The following FCGR1A variants were observed in gnomAD, a reference collection of about 807,000 sequenced individuals.
The protein encoded by FCGR1A is Fc gamma receptor Ia.
FCGR1A carries 13 observed loss-of-function variants against 35.0 expected under a neutral mutation model. The observed-to-expected ratio is 0.37, with a 90% confidence interval of 0.24 to 0.59. The LOEUF is 0.59. Ranked by LOEUF, FCGR1A falls within the 20% of genes least tolerant of loss-of-function variation. FCGR1A has a pLI of 0.71. For synonymous variants in FCGR1A, 91 were observed against 164.7 expected, an observed-to-expected ratio of 0.55 and a Z score of 3.43; for missense variants, 227 against 430.0, an observed-to-expected ratio of 0.53 and a Z score of 4.17.
At chr1:149,791,108 T>C in intron 5 of FCGR1A, 129 bp from the exon 6 acceptor site, 1 of 1,211,990 alleles carries the variant, frequency 8.3e-7, no homozygotes, top group Non-Finnish European at 1.1e-6. Flanking sequence ...TCCTGCTCCC[T>C]GAAATGACCA....
At chr1:149,792,803 G>C (rs1405849843), downstream of FCGR1A, 66 of 1,279,588 alleles carry the variant, frequency 5.2e-5, 1 homozygote, top group Non-Finnish European at 6.1e-5. Context: ...TGAGCTGTAG[G>C]AGTCGGTGGG....
At chr1:149,800,435 A>G in the FCGR1A span, among the ~76,000 whole-genome samples, 103 of 145,958 alleles carry the variant, frequency 7.1e-4, 3 homozygotes, top group South Asian at 0.015. Flanking sequence ...CAACTCTCTA[A>G]TCCTCCCCTT....
At chr1:149,793,163 C>T (rs2091755864), downstream of FCGR1A, 1 of 1,279,464 alleles carries the variant, frequency 7.8e-7, no homozygotes, top group Admixed American at 2.3e-5. Flanking sequence ...ATTGGTAGAT[C>T]ACAGGAAACG....
chr1:149,793,275 A>T, downstream of FCGR1A: 1 of 1,217,590 alleles, frequency 8.2e-7, no homozygotes, highest in Non-Finnish European at 1.0e-6. Context: ...GGGGAGTGGG[A>T]GAGGCCGCCC....
In FCGR1A at chr1:149,784,135, C is replaced by G; in HGVS notation, c.185C>G (p.Ala62Gly). 6.2e-7 allele frequency: 1 copy of G among 1,611,778 alleles called. No homozygotes were observed. The highest frequency in any genetic ancestry group is 1.3e-5 in the African/African-American group (1 of 74,814). Reference protein sequence around the residue: ...SSTQWFLNGTATQTSTPSYRI... With the variant: ...SSTQWFLNGTGTQTSTPSYRI... ...ACACAGTGGTTTCTCAATGGCACAG[C>G]CACTCAGACCTCGACCCCCAGCTAC... Residue 62 changes from alanine (A) to glycine (G), a missense_variant, in exon 3 of 6, where the codon GCC becomes GGC. This residue lies in a region of FCGR1A where 185 missense variants were observed against 306.6 expected (regional missense o/e 0.60). Coordinates refer to ENST00000369168, the MANE Select transcript of FCGR1A (RefSeq NM_000566.4).
At position 149,784,059 on chromosome 1, in the gene FCGR1A, G is replaced by T; in HGVS notation, c.109G>T (p.Glu37Ter). 3 of 1,610,748 alleles carry T rather than the reference G, an allele frequency of 1.9e-6. No individual in the cohort carries two copies. Among genetic ancestry groups the T allele is most frequent in the Non-Finnish European group, 2.5e-6 (3 of 1,179,708 alleles). Residue 37 changes from glutamate (E) to a stop codon, truncating the protein, a stop_gained, in exon 3 of 6, where the codon GAA (glutamate) becomes TAA (stop). Transcript: ENST00000369168. LOFTEE classifies it high-confidence loss of function. ...TCCATGGGTCAGCGTGTTCCAAGAG[G>T]AAACCGTAACCTTGCACTGTGAGGT... ...QPPWVSVFQE[E>*]TVTLHCEVLH...
chr1:149,800,236 TGG>T, the FCGR1A span, among the ~76,000 whole-genome samples: 11 of 152,256 alleles, frequency 7.2e-5, no homozygotes, highest in Non-Finnish European at 1.5e-4. Flanking sequence ...GCACCTCCAC[TGG>T]GTGCGCCGCC....
At chr1:149,788,730 G>A in intron 4 of FCGR1A, 113 bp downstream of exon 4, 1 of 1,310,144 alleles carries the variant, frequency 7.6e-7, no homozygotes, top group Non-Finnish European at 1.1e-6. Context: ...CTCCAGAGAG[G>A]TAAACTGCAT....
intron 3 of FCGR1A, among the ~76,000 whole-genome samples, chr1:149,784,750 G>A (rs2091496225): frequency 6.7e-6 from 1 of 149,856 alleles, no homozygotes; most frequent in African/African-American, 2.4e-5. Flanking sequence ...AAAGCTGTGG[G>A]TGGTAGAACA....
the FCGR1A span, among the ~76,000 whole-genome samples, chr1:149,797,221 AT>A: frequency 6.6e-6 from 1 of 152,134 alleles, no homozygotes; most frequent in African/African-American, 2.4e-5. Context: ...CCTTGGTGCT[AT>A]TTTTAAGGAT....
At chr1:149,799,482 C>A in the FCGR1A span, among the ~76,000 whole-genome samples, 6 of 149,626 alleles carry the variant, frequency 4.0e-5, no homozygotes, top group African/African-American at 1.3e-4. Flanking sequence ...TGTGAAATAT[C>A]CTCCTTTTAT....
In FCGR1A at chr1:149,791,584, G is replaced by A. The variant is rs587604979; in HGVS notation, c.*67G>A. On this transcript the variant is annotated 3_prime_UTR_variant, in exon 6 of 6. Coordinates refer to ENST00000369168, the MANE Select transcript of FCGR1A (RefSeq NM_000566.4). The stretch of plus-strand genomic sequence containing the variant: ...CCCACTTGCTCCCCGTGAGCACTGC[G>A]TACAAACATCCAAAAGTTCAACAAC... 2.3e-3 allele frequency: 3,639 copies of A among 1,579,214 alleles called. 65 individuals carry two copies. The African/African-American group carries it at 0.042, about 18-fold the overall frequency.
At position 149,791,412 on chromosome 1, in the gene FCGR1A, C is replaced by T; in HGVS notation, c.1020C>T (p.Ser340=). ...DSGHEKKVIS[S]LQEDRHLEEE... is the part of the protein sequence containing the mutation. ...GTCATGAGAAGAAGGTAATTTCCAG[C>T]CTTCAAGAAGACAGACATTTAGAAG... Residue 340 remains serine (S), a synonymous_variant, in exon 6 of 6, where the codon AGC becomes AGT. Transcript: ENST00000369168. The T allele has an allele frequency of 6.2e-7, 1 of 1,601,560 alleles. No individual in the cohort carries two copies. Among genetic ancestry groups the T allele is most frequent in the Non-Finnish European group, 8.5e-7 (1 of 1,176,042 alleles).
chr1:149,792,408 T>G, downstream of FCGR1A: 1 of 615,024 alleles, frequency 1.6e-6, no homozygotes, highest in Non-Finnish European at 2.2e-6. Context: ...GGCTGTAGTT[T>G]GGAGACAAAA....
chr1:149,799,713 A>G, the FCGR1A span, among the ~76,000 whole-genome samples: 1 of 151,952 alleles, frequency 6.6e-6, no homozygotes, highest in Non-Finnish European at 1.5e-5. Flanking sequence ...ATCTGGATCT[A>G]TTTTTCATAT....
chr1:149,792,676 G>T, downstream of FCGR1A: 1 of 1,278,968 alleles, frequency 7.8e-7, no homozygotes, highest in Non-Finnish European at 1.0e-6. Context: ...AGCCGCCAGC[G>T]CCCGGGGACC....
intron 3 of FCGR1A, chr1:149,786,781 G>A (rs587683125): frequency 6.6e-6 from 1 of 152,250 alleles, no homozygotes; most frequent in South Asian, 2.1e-4. Context: ...TTTTATTCAT[G>A]AATTACTTAG....
intron 3 of FCGR1A, 130 bp from the exon 4 acceptor site, chr1:149,788,236 G>C: frequency 6.2e-7 from 1 of 1,603,334 alleles, no homozygotes; most frequent in Middle Eastern, 2.3e-4. Context: ...ACTGGATATA[G>C]GCCTGAGATT....
At chr1:149,792,811 G>A (rs2091745067), downstream of FCGR1A, 2 of 1,279,210 alleles carry the variant, frequency 1.6e-6, no homozygotes, top group African/African-American at 1.6e-5. Flanking sequence ...AGGAGTCGGT[G>A]GGCAGCAACG....
Sources: gnomAD v4.1 joint callset for allele counts (sites outside exome capture counted in the v4.1 genomes callset) on GRCh38, gnomAD v4.1.1 for gene constraint, gnomAD v4.1.1 regional missense constraint, MANE v1.5 for transcripts, NCBI Gene and HGNC (gene_info 2026-07-23, HGNC 2026-07-21) for gene names.